CHD9: variants seen among roughly 807,000 people sequenced by gnomAD.
The protein encoded by CHD9 is ATP-dependent chromatin remodeler CHD9.
CHD9 carries 77 observed loss-of-function variants against 316.1 expected under a neutral mutation model. That is an observed-to-expected ratio of 0.24 (90% CI 0.20 to 0.29). CHD9 has a LOEUF of 0.29. CHD9 is among the 10% of genes least tolerant of loss of function. The probability of loss-of-function intolerance (pLI) is 1.00; values close to 1 mark genes in which losing one functional copy is unlikely to be tolerated. For missense variants in CHD9, 2,763 were observed against 3,438.1 expected (o/e 0.80, Z 4.91); for synonymous variants, 1,129 against 1,158.3 (o/e 0.97, Z 0.51).
chr16:53,253,559 A>G (rs2050307247), intron 17 of CHD9, among the ~76,000 whole-genome samples: 1 of 152,174 alleles, frequency 6.6e-6, no homozygotes, highest in Non-Finnish European at 1.5e-5. Flanking sequence ...TATGTAACCA[A>G]ATACCACCTG....
At chr16:53,132,753 A>C in intron 1 of CHD9, among the ~76,000 whole-genome samples, 1 of 112,996 alleles carries the variant, frequency 8.8e-6, no homozygotes, top group East Asian at 3.3e-4. Flanking sequence ...TTCTGTCTGT[A>C]TTATGTATCT....
chr16:53,215,039 A>G (rs184260719), intron 3 of CHD9, among the ~76,000 whole-genome samples: 109 of 152,008 alleles, frequency 7.2e-4, no homozygotes, highest in African/African-American at 2.3e-3. Flanking sequence ...CAGCCTCCCA[A>G]GTAGCTGGGA....
chr16:53,140,222 C>T (rs953231223), intron 1 of CHD9, among the ~76,000 whole-genome samples: 1 of 149,036 alleles, frequency 6.7e-6, no homozygotes, highest in Non-Finnish European at 1.5e-5. Flanking sequence ...TTTGGGAGGC[C>T]GAGGTGGGTG....
chr16:53,097,830 T>C (rs181699253), intron 1 of CHD9, among the ~76,000 whole-genome samples: 1 of 152,340 alleles, frequency 6.6e-6, no homozygotes, highest in Non-Finnish European at 1.5e-5. Context: ...TTTAAAAATT[T>C]TGGAACCAGG....
intron 19 of CHD9, among the ~76,000 whole-genome samples, chr16:53,261,224 G>A (rs2051067127): frequency 6.6e-6 from 1 of 151,208 alleles, no homozygotes; most frequent in Non-Finnish European, 1.5e-5. Flanking sequence ...TTTTATATAA[G>A]CATCTTAAAA....
At chr16:53,073,790 G>A (rs1381875837) in intron 1 of CHD9, among the ~76,000 whole-genome samples, 1 of 152,194 alleles carries the variant, frequency 6.6e-6, no homozygotes, top group African/African-American at 2.4e-5. Flanking sequence ...GGCCTCCTCA[G>A]CCATGTGGAA....
At chr16:53,184,036 T>A (rs932734938) in intron 2 of CHD9, among the ~76,000 whole-genome samples, 2 of 151,786 alleles carry the variant, frequency 1.3e-5, no homozygotes, top group Non-Finnish European at 2.9e-5. Flanking sequence ...GCTCCTCCTC[T>A]TGGGTTCATG....
intron 3 of CHD9, among the ~76,000 whole-genome samples, chr16:53,211,404 G>T (rs2152876249): frequency 6.6e-6 from 1 of 152,216 alleles, no homozygotes; most frequent in East Asian, 1.9e-4. Flanking sequence ...TGATATCTGT[G>T]TTTTTGTTAG....
intron 1 of CHD9, among the ~76,000 whole-genome samples, chr16:53,092,503 A>AAT (rs1173794985): frequency 2.0e-5 from 3 of 152,138 alleles, no homozygotes; most frequent in Non-Finnish European, 4.4e-5. Flanking sequence ...TGTCCCATGA[A>AAT]GGTGATTTGG....
At chr16:53,103,191 T>TG (rs1423411805) in intron 1 of CHD9, among the ~76,000 whole-genome samples, 1 of 50,908 alleles carries the variant, frequency 2.0e-5, no homozygotes, top group African/African-American at 1.4e-4. Context: ...ATTTTATTTG[T>TG]TTTTTTTTTC....
chr16:53,306,106 C>A (rs1188776777), intron 31 of CHD9, 131 bp from the exon 32 acceptor site: 1 of 519,322 alleles, frequency 1.9e-6, no homozygotes, highest in Non-Finnish European at 3.1e-6. Flanking sequence ...GATTTTTTCT[C>A]TTTTTTTATC....
intron 1 of CHD9, among the ~76,000 whole-genome samples, chr16:53,071,711 G>T (rs2034067029): frequency 6.6e-6 from 1 of 152,160 alleles, no homozygotes; most frequent in Admixed American, 6.6e-5. Context: ...AGAGCCATCA[G>T]CTCGCCCACC....
intron 24 of CHD9, among the ~76,000 whole-genome samples, chr16:53,285,008 C>T (rs922195359): frequency 1.3e-5 from 2 of 152,104 alleles, no homozygotes; most frequent in Non-Finnish European, 2.9e-5. Flanking sequence ...TTCAAGTGAT[C>T]TACCCGCCTC....
intron 1 of CHD9, among the ~76,000 whole-genome samples, chr16:53,095,315 G>T (rs893978744): frequency 3.3e-5 from 5 of 152,170 alleles, no homozygotes; most frequent in African/African-American, 1.2e-4. Flanking sequence ...GGAGGGGGAG[G>T]CAGGAGGATC....
chr16:53,261,246 A>G (rs2051070496), intron 19 of CHD9, among the ~76,000 whole-genome samples: 1 of 152,034 alleles, frequency 6.6e-6, no homozygotes, highest in Non-Finnish European at 1.5e-5. Context: ...CCAAACCTCA[A>G]AAGAATACTA....
chr16:53,326,582 T>C lies in CHD9; in HGVS notation c.*1687T>C, dbSNP rs1014760465. The stretch of plus-strand genomic sequence containing the variant: ...GTATTGATTTTGTATTTTCCCAAAA[T>C]AGTACTTTGAATTGATAGTCCTTTA... On this transcript the variant is annotated 3_prime_UTR_variant, in exon 39 of 39. Transcript: ENST00000447540. 1 of 152,474 alleles carries C rather than the reference T, an allele frequency of 6.6e-6. No individual in the cohort carries two copies. The highest frequency in any genetic ancestry group is 2.4e-5 in the African/African-American group (1 of 41,456). The allele number at this position is 152,474 out of a possible 1,614,324, so 9.4% of individuals were successfully genotyped here.
intron 29 of CHD9, among the ~76,000 whole-genome samples, chr16:53,294,863 TATC>T (rs1269001452): frequency 6.6e-6 from 1 of 152,252 alleles, no homozygotes; most frequent in Non-Finnish European, 1.5e-5. Context: ...ATATTAGTTT[TATC>T]ATAACATTTG....
intron 16 of CHD9, chr16:53,248,188 C>G (rs1417765251): frequency 6.6e-6 from 1 of 151,026 alleles, no homozygotes; most frequent in African/African-American, 2.4e-5. Context: ...TACAAAAAAT[C>G]AGCCGGGCAT....
chr16:53,308,040 T>C (rs2056142947), intron 33 of CHD9, 87 bp downstream of exon 33: 2 of 1,153,520 alleles, frequency 1.7e-6, no homozygotes, highest in Non-Finnish European at 2.4e-6. Context: ...GCTCTTACTC[T>C]TCCTTCCTTC....
Sources: allele counts gnomAD v4.1 joint callset (sites outside exome capture counted in the v4.1 genomes callset), GRCh38; gene constraint gnomAD v4.1.1; transcripts MANE v1.5; gene names NCBI Gene and HGNC (gene_info 2026-07-23, HGNC 2026-07-21).